The following OR7D4 variants were observed in gnomAD, a reference collection of about 807,000 sequenced individuals.
OR7D4 encodes the protein olfactory receptor 7D4.
For missense variants in OR7D4, 319 were observed against 377.1 expected, an observed-to-expected ratio of 0.85 and a Z score of 1.27; for synonymous variants, 154 against 158.4, an observed-to-expected ratio of 0.97 and a Z score of 0.21.
intron 1 of OR7D4, among the ~76,000 whole-genome samples, chr19:9,215,465 G>A (rs1227949771): frequency 6.6e-6 from 1 of 151,628 alleles, no homozygotes; most frequent in Non-Finnish European, 1.5e-5. Flanking sequence ...AATAATTAAA[G>A]GTATGTCATG....
At position 9,213,926 on chromosome 19, in the gene OR7D4, G is replaced by A. The variant is rs143964330; in HGVS notation, c.912C>T (p.Leu304=). 1.2e-6 allele frequency: 2 copies of A among 1,613,926 alleles called. No individual in the cohort carries two copies. The highest frequency in any genetic ancestry group is 2.7e-5 in the African/African-American group (2 of 74,920). The change falls in exon 2 of 2, where the codon CTC becomes CTT. Residue 304 remains leucine, a synonymous_variant. Transcript: ENST00000641669. ...ATGGACAAGAGTCGGCCCTGCTGAGGAGTCTTTCCAGGGCCCCCTTCACAT... is the reference window on the plus strand; with the variant it reads ...ATGGACAAGAGTCGGCCCTGCTGAGAAGTCTTTCCAGGGCCCCCTTCACAT... ...NKDVKGALER[L]LSRADSCP
chr19:9,213,880 G>C lies in OR7D4; in HGVS notation c.*19C>G. Reference sequence around the variant, plus strand: ...TAGGGGTACGCAGTGTGTCCTCTTAGTTCTGAGGCCCTGATTTGTCATGGA... The same window carrying C: ...TAGGGGTACGCAGTGTGTCCTCTTACTTCTGAGGCCCTGATTTGTCATGGA... On this transcript the variant is annotated 3_prime_UTR_variant, in exon 2 of 2. Transcript: ENST00000641669. 6.3e-7 allele frequency: 1 copy of C among 1,587,002 alleles called. No homozygotes were observed. The highest frequency in any genetic ancestry group is 8.6e-7 in the Non-Finnish European group (1 of 1,156,380).
intron 1 of OR7D4, among the ~76,000 whole-genome samples, chr19:9,215,203 C>T (rs1463791913): frequency 1.3e-5 from 2 of 151,914 alleles, no homozygotes; most frequent in African/African-American, 4.8e-5. Context: ...ATCAGCTGGG[C>T]GTTGTGGAGT....
In OR7D4 at chr19:9,214,796, G is replaced by T. The variant is rs775889955; in HGVS notation, c.42C>A (p.Leu14=). 2 of 1,611,880 alleles carry T rather than the reference G, an allele frequency of 1.2e-6. No homozygotes were observed. Among genetic ancestry groups the T allele is most frequent in the South Asian group, 2.2e-5 (2 of 90,846 alleles). The change falls in exon 2 of 2, where the codon CTC becomes CTA. Residue 14 remains leucine (L), a synonymous_variant. Transcript: ENST00000641669. ...ENLTELSKFL[L]LGLSDDPELQ... is the part of the protein sequence containing the mutation. Reference sequence around the variant, plus strand: ...GTTCAGGATCATCTGAGAGTCCCAGGAGGAGAAATTTTGATAATTCTGTAA... The same window carrying T: ...GTTCAGGATCATCTGAGAGTCCCAGTAGGAGAAATTTTGATAATTCTGTAA...
chr19:9,212,088 ATATATT>A lies in OR7D4; in HGVS notation c.*1805_*1810del, dbSNP rs1473921096. On this transcript the variant is annotated 3_prime_UTR_variant, in exon 2 of 2. Transcript: ENST00000641669. ...ATTTTTGTGCGTAGATAGTAGCTGTATATATTTATGGGGTAGATGAAACGTTTTGAT... is the reference window on the plus strand; with the variant it reads ...ATTTTTGTGCGTAGATAGTAGCTGTATATGGGGTAGATGAAACGTTTTGAT... 2 of 152,122 alleles carry A rather than the reference ATATATT, an allele frequency of 1.3e-5. No homozygotes were observed. The highest frequency in any genetic ancestry group is 4.8e-5 in the African/African-American group (2 of 41,438). 9.4% of individuals were successfully genotyped at this position (152,122 alleles called of 1,614,324 possible).
At chr19:9,215,779 T>A (rs1019445178) in intron 1 of OR7D4, among the ~76,000 whole-genome samples, 2 of 152,220 alleles carry the variant, frequency 1.3e-5, no homozygotes, top group African/African-American at 4.8e-5. Context: ...GATATATAAC[T>A]CTTCCAAGGT....
Position 9,215,760 on chromosome 19 carries a change from AATTACTTAGAT to A in OR7D4, c.-13-921_-13-911del, listed in dbSNP as rs558147470. Among the ~76,000 whole-genome samples the A allele has an allele frequency of 1.8e-4, 28 of 152,276 alleles. 1 individual carries two copies. The South Asian group carries it at 5.6e-3, about 30-fold the overall frequency. ...CTTATTAATCTTTTCCTTTTATGAT[AATTACTTAGAT>A]ATATAACTCTTCCAAGGTATAGCAT... On this transcript the variant is annotated intron_variant, in intron 1 of 1. Transcript: ENST00000641669.
At chr19:9,216,137 T>A (rs556428920) in intron 1 of OR7D4, among the ~76,000 whole-genome samples, 9 of 152,218 alleles carry the variant, frequency 5.9e-5, no homozygotes, top group Admixed American at 2.6e-4. Context: ...TGATTCAATT[T>A]CCTCCCACTG....
rs2051186899 is a variant in OR7D4 at position 9,213,650 on chromosome 19, A to G, written c.*249T>C. 2.3e-6 allele frequency: 1 copy of G among 437,150 alleles called. No individual in the cohort carries two copies. The highest frequency in any genetic ancestry group is 3.8e-5 in the Admixed American group (1 of 26,464). The allele number at this position is 437,150 out of a possible 1,614,324, so 27.1% of individuals were successfully genotyped here. A position where few individuals can be genotyped will look rare whatever the true frequency, so the allele number is the denominator to read the frequency against. On this transcript the variant is annotated 3_prime_UTR_variant, in exon 2 of 2. Coordinates refer to ENST00000641669, the MANE Select transcript of OR7D4 (RefSeq NM_001005191.3). The stretch of plus-strand genomic sequence containing the variant: ...CTACTTGAGAGGCTGAGGCAGGAGA[A>G]CCGCTTCAACCTGGGAGGTAGAGGT...
chr19:9,214,575 C>G lies in OR7D4; in HGVS notation c.263G>C (p.Arg88Pro), dbSNP rs766900936. The change falls in exon 2 of 2, where the codon CGG becomes CCG. Residue 88 changes from arginine to proline, a missense_variant. Physicochemically the swap from Arg to Pro is moderately radical, Grantham distance 103 (BLOSUM62 -2). Transcript: ENST00000641669. ...CCCCATGTAGGAGATGTCTTTGCTC[C>G]GTGCCTGGATGCTCACTAGCATCTT... is the stretch of plus-strand genomic sequence containing the variant. ...VPKMLVSIQA[R>P]SKDISYMGCL... 3.1e-6 allele frequency: 5 copies of G among 1,614,074 alleles called. No homozygotes were observed. The highest frequency in any genetic ancestry group is 3.4e-6 in the Non-Finnish European group (4 of 1,179,978).
At position 9,214,342 on chromosome 19, in the gene OR7D4, A is replaced by C. The variant is rs116460228; in HGVS notation, c.496T>G (p.Leu166Val). 1 of 1,614,016 alleles carries C rather than the reference A, an allele frequency of 6.2e-7. No homozygotes were observed. Residue 166 changes from leucine to valine, a missense_variant, in exon 2 of 2, where the codon TTG (leucine) becomes GTG (valine). Coordinates refer to ENST00000641669, the MANE Select transcript of OR7D4 (RefSeq NM_001005191.3). Reference protein sequence around the residue: ...SLVHILLMKRLTFSTGTEIPH... With the variant: ...SLVHILLMKRVTFSTGTEIPH... Reference sequence around the variant, plus strand: ...ATCTCAGTGCCTGTGGAGAAGGTCAACCTCTTCATCAGTAGAATATGAACC... The same window carrying C: ...ATCTCAGTGCCTGTGGAGAAGGTCACCCTCTTCATCAGTAGAATATGAACC...
Position 9,213,313 on chromosome 19 carries a change from A to AAG in OR7D4, c.*584_*585dup, listed in dbSNP as rs2051184202. The AAG allele has an allele frequency of 6.6e-6, 1 of 152,536 alleles. No homozygotes were observed. Among genetic ancestry groups the AAG allele is most frequent in the African/African-American group, 2.4e-5 (1 of 41,448 alleles). The allele number at this position is 152,536 out of a possible 1,614,324, so 9.4% of individuals were successfully genotyped here. A position where few individuals can be genotyped will look rare whatever the true frequency, so the allele number is the denominator to read the frequency against. ...GAAAGAGTGGTAAGAAAACTGATCA[A>AAG]AGATGGAACTTTATGGGAAACATCT... On this transcript the variant is annotated 3_prime_UTR_variant, in exon 2 of 2. Coordinates refer to ENST00000641669, the MANE Select transcript of OR7D4 (RefSeq NM_001005191.3).
At position 9,217,535 on chromosome 19, in the gene OR7D4, G is replaced by GGTTT. The variant is rs530816848; in HGVS notation, c.-14+1661_-14+1664dup. ...GCTGAGAGAGGAAGAATGGATCATT[G>GGTTT]GTTTGTTTGTTTGTTTGTTTGGAGA... On this transcript the variant is annotated intron_variant, in intron 1 of 1. Transcript: ENST00000641669. 1.3e-3 allele frequency among the ~76,000 whole-genome samples: 193 copies of GGTTT among 151,936 alleles called. 1 individual carries two copies. Among genetic ancestry groups the GGTTT allele is most frequent in the African/African-American group, 4.1e-3 (168 of 41,460 alleles).
chr19:9,215,364 AAC>A (rs1469882403), intron 1 of OR7D4, among the ~76,000 whole-genome samples: 38 of 145,572 alleles, frequency 2.6e-4, no homozygotes, highest in African/African-American at 9.4e-4. Flanking sequence ...AAAAAAAAAA[AAC>A]CTCTTTTTTT....
At chr19:9,216,541 A>G (rs1020953759) in intron 1 of OR7D4, among the ~76,000 whole-genome samples, 2 of 152,162 alleles carry the variant, frequency 1.3e-5, no homozygotes, top group Non-Finnish European at 2.9e-5. Context: ...TCATTTGTCT[A>G]CTATGATTTC....
rs1470056942 is a variant in OR7D4, at chr19:9,211,189, A to ACT, written c.*2708_*2709dup. The ACT allele has an allele frequency of 1.3e-5, 2 of 152,320 alleles. No homozygotes were observed. The highest frequency in any genetic ancestry group is 2.9e-5 in the Non-Finnish European group (2 of 68,160). 9.4% of individuals were successfully genotyped at this position (152,320 alleles called of 1,614,324 possible). On this transcript the variant is annotated 3_prime_UTR_variant, in exon 2 of 2. Coordinates refer to ENST00000641669, the MANE Select transcript of OR7D4 (RefSeq NM_001005191.3). Reference sequence around the variant, plus strand: ...CCATGAGAGTCCCTTGTGGCAACAAACTGAGGGGCCTTAGGCCATTGTCCT... The same window carrying ACT: ...CCATGAGAGTCCCTTGTGGCAACAAACTCTGAGGGGCCTTAGGCCATTGTCCT...
chr19:9,216,383 C>T (rs1292137034), intron 1 of OR7D4, among the ~76,000 whole-genome samples: 1 of 152,142 alleles, frequency 6.6e-6, no homozygotes, highest in Non-Finnish European at 1.5e-5. Flanking sequence ...CACAGCCAAA[C>T]TATGTGAATC....
At chr19:9,216,425 G>A (rs1471256940) in intron 1 of OR7D4, among the ~76,000 whole-genome samples, 1 of 152,152 alleles carries the variant, frequency 6.6e-6, no homozygotes, top group Non-Finnish European at 1.5e-5. Flanking sequence ...CATAGAGAAA[G>A]TTATTTGAAC....
rs764233633 is a variant in OR7D4, at chr19:9,214,730, C to G, written c.108G>C (p.Leu36=). 2 of 1,613,998 alleles carry G rather than the reference C, an allele frequency of 1.2e-6. No individual in the cohort carries two copies. Among genetic ancestry groups the G allele is most frequent in the African/African-American group, 1.3e-5 (1 of 75,004 alleles). ...TGAGCAGGTTCCCCAGCACCGTGAC[C>G]AGGTACATGGACAGGAACAGCCCAA... is the stretch of plus-strand genomic sequence containing the variant. ...VLFGLFLSMY[L]VTVLGNLLII... Residue 36 remains leucine, a synonymous_variant, in exon 2 of 2, where the codon CTG becomes CTC. Transcript: ENST00000641669.
Sources: allele counts gnomAD v4.1 joint callset (sites outside exome capture counted in the v4.1 genomes callset), GRCh38; gene constraint gnomAD v4.1.1; transcripts MANE v1.5; gene names NCBI Gene and HGNC (gene_info 2026-07-23, HGNC 2026-07-21).